The following HK1 variants were observed in gnomAD, a reference collection of about 807,000 sequenced individuals.
The protein encoded by HK1 is hexokinase 1, also known as hexokinase-1.
Under a neutral mutation model 91.6 loss-of-function variants are expected in HK1, and 28 were observed. The ratio of observed to expected loss-of-function variants is 0.31; its 90% CI spans 0.23 to 0.42. HK1 has a LOEUF of 0.42. HK1 is among the 10% of genes least tolerant of loss of function. HK1 has a pLI of 1.00. For synonymous variants in HK1, 430 were observed against 468.1 expected (o/e 0.92, Z 1.05); for missense variants, 770 against 1,219.8 (o/e 0.63, Z 5.49).
intron 10 of HK1, among the ~76,000 whole-genome samples, chr10:69,383,685 C>A (rs542289762): frequency 1.7e-4 from 26 of 152,372 alleles, no homozygotes; most frequent in Non-Finnish European, 4.4e-5. Context: ...ATCTCAGACG[C>A]CCTTCCCCAC....
intron 11 of HK1, 77 bp downstream of exon 11, chr10:69,384,558 C>T: frequency 6.3e-7 from 1 of 1,579,002 alleles, no homozygotes; most frequent in South Asian, 1.1e-5. Context: ...TGACCAAAAT[C>T]CGCCACGGGG....
At chr10:69,283,814 A>AAAG (rs1844887761) in intron 2 of HK1, among the ~76,000 whole-genome samples, 1 of 150,064 alleles carries the variant, frequency 6.7e-6, no homozygotes, top group East Asian at 1.9e-4. Context: ...AAAAAAAAAA[A>AAAG]AAAGAAAAGA....
intron 3 of HK1, among the ~76,000 whole-genome samples, chr10:69,361,315 G>A (rs1458430496): frequency 2.9e-4 from 44 of 152,378 alleles, no homozygotes; most frequent in Non-Finnish European, 1.5e-5. Context: ...TGGGGCTGCA[G>A]AGACTGGCCC....
At chr10:69,288,565 T>C (rs2132453159) in intron 2 of HK1, 2 of 715,716 alleles carry the variant, frequency 2.8e-6, no homozygotes. Context: ...GTCTGCACTA[T>C]GTCTTGGTTC....
At position 69,280,134 on chromosome 10, in the gene HK1, T is replaced by C. The variant is rs542110832; in HGVS notation, c.-390-2395T>C. On this transcript the variant is annotated intron_variant, in intron 1 of 21. Coordinates refer to the HK1 transcript ENST00000360289. The stretch of plus-strand genomic sequence containing the variant: ...AATGATGAAAAAAGGTTTTGTTTTT[T>C]TTTTTTAGACAGAGTCTCGCACTGT... Among the ~76,000 whole-genome samples, 41 of 152,206 alleles carry C rather than the reference T, an allele frequency of 2.7e-4. No homozygotes were observed. In the South Asian group the frequency reaches 8.5e-3, roughly 32 times the overall value.
At chr10:69,379,393 C>CA (rs1490348044) in intron 8 of HK1, among the ~76,000 whole-genome samples, 1 of 152,052 alleles carries the variant, frequency 6.6e-6, no homozygotes, top group African/African-American at 2.4e-5. Flanking sequence ...GCAGCAATAA[C>CA]AAAACTATAA....
chr10:69,378,925 C>T (rs1409711312), intron 8 of HK1, among the ~76,000 whole-genome samples: 1 of 152,170 alleles, frequency 6.6e-6, no homozygotes, highest in African/African-American at 2.4e-5. Flanking sequence ...TTTCCCCATT[C>T]TCTCACTTCC....
At position 69,283,019 on chromosome 10, in the gene HK1, C is replaced by T. The variant is rs368073843; in HGVS notation, c.-215+315C>T. ...CAGGCGCCTGTAATCCCAGCTACTT[C>T]GGAGGCTGAGGCAGGAGAATCGCTT... On this transcript the variant is annotated intron_variant, in intron 2 of 21. Transcript: ENST00000360289. Among the ~76,000 whole-genome samples the T allele has an allele frequency of 9.0e-4, 131 of 145,868 alleles. 3 individuals carry two copies. In the South Asian group the frequency reaches 0.026, roughly 29 times the overall value.
At chr10:69,315,282 A>G (rs1244254608), upstream of HK1, among the ~76,000 whole-genome samples, 4 of 152,164 alleles carry the variant, frequency 2.6e-5, no homozygotes, top group African/African-American at 9.7e-5. Flanking sequence ...GTTGGAGATC[A>G]CTCCTGAAGT....
intron 17 of HK1, among the ~76,000 whole-genome samples, 171 bp from the exon 18 acceptor site, chr10:69,400,819 TC>T (rs1564575327): frequency 6.6e-6 from 1 of 152,214 alleles, no homozygotes; most frequent in Non-Finnish European, 1.5e-5. Context: ...GTTGTTGGGT[TC>T]AGAGTCTCTT....
At chr10:69,393,416 C>T (rs1371395789) in intron 15 of HK1, among the ~76,000 whole-genome samples, 1 of 152,072 alleles carries the variant, frequency 6.6e-6, no homozygotes, top group East Asian at 1.9e-4. Context: ...CCTGCCTCAG[C>T]CTCCCAGGTA....
At chr10:69,299,204 G>A (rs1269760240) in intron 4 of HK1, among the ~76,000 whole-genome samples, 5 of 151,228 alleles carry the variant, frequency 3.3e-5, no homozygotes, top group Admixed American at 1.3e-4. Context: ...ACAGGGTCTC[G>A]CTCTGTCATG....
chr10:69,384,599 A>G (rs1839543705), intron 11 of HK1, 118 bp downstream of exon 11: 2 of 1,455,498 alleles, frequency 1.4e-6, no homozygotes, highest in Admixed American at 3.5e-5. Context: ...CTTGTGGCCC[A>G]GAAGCACCAG....
At chr10:69,353,142 G>T (rs1342170844) in intron 2 of HK1, among the ~76,000 whole-genome samples, 1 of 152,146 alleles carries the variant, frequency 6.6e-6, no homozygotes, top group African/African-American at 2.4e-5. Flanking sequence ...ATGGGGGGCT[G>T]GTTGCCAGGG....
At chr10:69,286,591 C>T (rs1009081283) in intron 2 of HK1, among the ~76,000 whole-genome samples, 18 of 151,772 alleles carry the variant, frequency 1.2e-4, no homozygotes, top group African/African-American at 3.9e-4. Context: ...TCTCGTTGTC[C>T]TGGCTGGAGT....
chr10:69,312,427 T>C (rs10159790), upstream of HK1, among the ~76,000 whole-genome samples: 3,318 of 152,148 alleles, frequency 0.022, 124 homozygotes, highest in African/African-American at 0.074. Context: ...AGGAGAGAGA[T>C]GGAGTTTCAC....
chr10:69,318,880 A>T lies in HK1; in HGVS notation c.-68A>T. 1 of 1,523,152 alleles carries T rather than the reference A, an allele frequency of 6.6e-7. No individual in the cohort carries two copies. The highest frequency in any genetic ancestry group is 2.7e-5 in the East Asian group (1 of 37,020). The allele number at this position is 1,523,152 out of a possible 1,614,324, so 94.4% of individuals were successfully genotyped here. A position where few individuals can be genotyped will look rare whatever the true frequency, so the allele number is the denominator to read the frequency against. ...GCCGCCGAGCAGCCGCCGGAGGACC[A>T]CGGCTCGCCAGGGCTGCGGAGGACC... On this transcript the variant is annotated 5_prime_UTR_variant, in exon 1 of 18. Coordinates refer to ENST00000359426, the MANE Select transcript of HK1 (RefSeq NM_000188.3).
chr10:69,288,274 T>A (rs1459464840), intron 2 of HK1, among the ~76,000 whole-genome samples: 2 of 152,160 alleles, frequency 1.3e-5, no homozygotes, highest in African/African-American at 2.4e-5. Flanking sequence ...AGGTACCACT[T>A]CCAGACCAGG....
chr10:69,398,551 G>T, intron 16 of HK1, 44 bp from the exon 17 acceptor site: 1 of 1,519,682 alleles, frequency 6.6e-7, no homozygotes, highest in Non-Finnish European at 9.1e-7. Context: ...GGCTGCTCTT[G>T]TGGGTCCTGC....
Sources: allele counts gnomAD v4.1 joint callset (sites outside exome capture counted in the v4.1 genomes callset), GRCh38; gene constraint gnomAD v4.1.1; transcripts MANE v1.5; gene names NCBI Gene and HGNC (gene_info 2026-07-23, HGNC 2026-07-21).